The following CA6 variants were observed in gnomAD, a reference collection of about 807,000 sequenced individuals.
CA6 encodes the protein carbonate dehydratase VI.
CA6 carries 28 observed loss-of-function variants against 35.9 expected under a neutral mutation model. That is an observed-to-expected ratio of 0.78 (90% CI 0.58 to 1.07). The LOEUF is 1.07. Among genes scored for constraint, CA6 ranks in the 50% least tolerant of loss-of-function variants. The pLI is 0.00. For synonymous variants in CA6, 148 were observed against 152.6 expected (o/e 0.97, Z 0.22); for missense variants, 377 against 382.0 (o/e 0.99, Z 0.11).
intron 3 of CA6, among the ~76,000 whole-genome samples, chr1:8,958,489 C>T (rs747969404): frequency 3.9e-5 from 6 of 152,166 alleles, no homozygotes; most frequent in Non-Finnish European, 5.9e-5. Flanking sequence ...TTCTGAGTTA[C>T]CTCTTTTGCC....
intron 2 of CA6, among the ~76,000 whole-genome samples, chr1:8,953,001 A>G (rs549740561): frequency 6.6e-6 from 1 of 152,330 alleles, no homozygotes; most frequent in East Asian, 1.9e-4. Context: ...CAATCATTTC[A>G]GTGTCATGAA....
intron 7 of CA6, 171 bp from the exon 8 acceptor site, chr1:8,974,451 A>G: frequency 6.6e-7 from 1 of 1,523,474 alleles, no homozygotes. Flanking sequence ...CTGAGTTCAA[A>G]CACAGTGAAG....
rs371103739 is a variant in CA6 at position 8,965,717 on chromosome 1, G to A, written c.572-1942G>A. ...AGCCTGGCCAACATGGTGAAACCCC[G>A]TCCCTACTAAAAATACAAAATTAGC... On this transcript the variant is annotated intron_variant, in intron 5 of 7. Transcript: ENST00000377443. Among the ~76,000 whole-genome samples the A allele has an allele frequency of 5.9e-4, 90 of 152,030 alleles. 1 individual carries two copies. The highest frequency in any genetic ancestry group is 8.3e-4 in the South Asian group (4 of 4,814).
At chr1:8,959,052 G>A in intron 4 of CA6, 50 bp downstream of exon 4, 1 of 1,082,160 alleles carries the variant, frequency 9.2e-7, no homozygotes, top group East Asian at 2.4e-5. Flanking sequence ...ATAGGTTGAT[G>A]TCCAAACAAG....
chr1:8,968,323 A>T (rs1363804871), intron 6 of CA6, among the ~76,000 whole-genome samples: 2 of 152,102 alleles, frequency 1.3e-5, no homozygotes, highest in African/African-American at 4.8e-5. Flanking sequence ...ACCCCTGCTC[A>T]AGGACACTCA....
rs934033795 is a variant in CA6 at position 8,963,771 on chromosome 1, G to T, written c.571+1115G>T. Reference sequence around the variant, plus strand: ...TCTCAGGCTGGTCTTGAACTCCTGGGCTCAAGTGATCTGCCTGCCTCAACT... The same window carrying T: ...TCTCAGGCTGGTCTTGAACTCCTGGTCTCAAGTGATCTGCCTGCCTCAACT... On this transcript the variant is annotated intron_variant, in intron 5 of 7. Transcript: ENST00000377443. This position sits in a 1 kb window ranked among gnomAD's most constrained non-coding sequence, Gnocchi z 4.1. Among the ~76,000 whole-genome samples the T allele has an allele frequency of 6.6e-6, 1 of 152,090 alleles. No individual in the cohort carries two copies. The highest frequency in any genetic ancestry group is 2.4e-5 in the African/African-American group (1 of 41,404).
At chr1:8,955,584 G>A (rs781244699) in intron 2 of CA6, among the ~76,000 whole-genome samples, 11 of 124,170 alleles carry the variant, frequency 8.9e-5, no homozygotes, top group African/African-American at 1.6e-4. Flanking sequence ...TCAGCTCCTC[G>A]GCTCCCGTCT....
In CA6 at chr1:8,951,906, A is replaced by G. The variant is rs1569665057; in HGVS notation, c.259+2464A>G. ...GCAATCTTGGCTCACTGAAACCTCC[A>G]CTTCCCAGATTCAAGCAATTCTCCT... On this transcript the variant is annotated intron_variant, in intron 2 of 7. Coordinates refer to ENST00000377443, the MANE Select transcript of CA6 (RefSeq NM_001215.4). The G allele has an allele frequency of 2.0e-5, 4 of 203,788 alleles. No individual in the cohort carries two copies. In the East Asian group the frequency reaches 4.6e-4, roughly 23 times the overall value. The allele number at this position is 203,788 out of a possible 1,614,324, so 12.6% of individuals were successfully genotyped here.
chr1:8,948,612 C>T (rs1639433421), intron 1 of CA6, among the ~76,000 whole-genome samples: 2 of 151,956 alleles, frequency 1.3e-5, no homozygotes, highest in South Asian at 4.2e-4. Flanking sequence ...AAGAGCAAAG[C>T]CAAGGATCCC....
intron 5 of CA6, among the ~76,000 whole-genome samples, chr1:8,967,032 A>G (rs1639986733): frequency 6.6e-6 from 1 of 152,036 alleles, no homozygotes; most frequent in African/African-American, 2.4e-5. Context: ...TGTGTTGCCC[A>G]GGCTGGTCTT....
rs1639711915 is a variant in CA6, at chr1:8,957,243, C to T, written c.366C>T (p.Ser122=). 18 of 1,613,958 alleles carry T rather than the reference C, an allele frequency of 1.1e-5. No homozygotes were observed. Among genetic ancestry groups the T allele is most frequent in the Admixed American group, 1.7e-5 (1 of 59,994 alleles). ...FHWGGASSEI[S]GSEHTVDGIR... ...GGGGAGGTGCGTCCTCGGAGATCAG[C>T]GGCTCTGAGCACACCGTGGACGGGA... is the stretch of plus-strand genomic sequence containing the variant. Residue 122 remains serine, a synonymous_variant, in exon 3 of 8, where the codon AGC becomes AGT. Coordinates refer to ENST00000377443, the MANE Select transcript of CA6 (RefSeq NM_001215.4).
intron 2 of CA6, among the ~76,000 whole-genome samples, chr1:8,951,209 T>A (rs1397002851): frequency 3.0e-5 from 4 of 132,456 alleles, no homozygotes; most frequent in Non-Finnish European, 3.2e-5. Flanking sequence ...AGAGCAAAAC[T>A]CCATCTCAAA....
chr1:8,955,450 CT>C (rs1382436613), intron 2 of CA6, among the ~76,000 whole-genome samples: 1 of 152,200 alleles, frequency 6.6e-6, no homozygotes, highest in Non-Finnish European at 1.5e-5. Context: ...CTGTGTGGGC[CT>C]GTCAGTGTAA....
chr1:8,951,121 C>T (rs1482947945), intron 2 of CA6, among the ~76,000 whole-genome samples: 1 of 150,844 alleles, frequency 6.6e-6, no homozygotes, highest in Non-Finnish European at 1.5e-5. Flanking sequence ...GAGGCTGAGG[C>T]AGGAGAATCA....
At chr1:8,955,920 T>C (rs956262852) in intron 2 of CA6, among the ~76,000 whole-genome samples, 2 of 152,228 alleles carry the variant, frequency 1.3e-5, no homozygotes, top group African/African-American at 4.8e-5. Flanking sequence ...CCACCATTGA[T>C]GACTTTAAAT....
intron 1 of CA6, among the ~76,000 whole-genome samples, chr1:8,947,847 C>T (rs572209311): frequency 6.9e-6 from 1 of 145,676 alleles, no homozygotes; most frequent in East Asian, 1.9e-4. Flanking sequence ...CTAGTACAGA[C>T]ACCTTTTTTT....
intron 3 of CA6, 27 bp downstream of exon 3, chr1:8,957,312 C>T (rs373602665): frequency 7.0e-5 from 111 of 1,586,912 alleles, no homozygotes; most frequent in Non-Finnish European, 9.5e-5. Context: ...ACTGTGTCCT[C>T]TTTCCTTTGA....
chr1:8,953,281 C>T (rs1024880934), intron 2 of CA6, among the ~76,000 whole-genome samples: 1 of 152,128 alleles, frequency 6.6e-6, no homozygotes, highest in African/African-American at 2.4e-5. Flanking sequence ...TATCCAAAGA[C>T]ATCCGGGCTG....
intron 5 of CA6, among the ~76,000 whole-genome samples, chr1:8,962,893 T>C (rs946229344): frequency 1.3e-5 from 2 of 152,182 alleles, no homozygotes; most frequent in Admixed American, 1.3e-4. Flanking sequence ...TTTCCCATGA[T>C]TGGAACTTCT....
Sources: gnomAD v4.1 joint callset for allele counts (sites outside exome capture counted in the v4.1 genomes callset) on GRCh38, gnomAD v4.1.1 for gene constraint, Gnocchi (gnomAD v3.1) non-coding constraint, MANE v1.5 for transcripts, NCBI Gene and HGNC (gene_info 2026-07-23, HGNC 2026-07-21) for gene names.